Variants in TBC1D10A observed in about 807,000 individuals in gnomAD.
TBC1D10A encodes the protein EBP50-PDX interactor of 64 kDa.
In TBC1D10A, 24 loss-of-function variants were observed where a neutral mutation model predicts 52.9. The ratio of observed to expected loss-of-function variants is 0.45; its 90% CI spans 0.33 to 0.64. TBC1D10A has a LOEUF of 0.64. Ranked by LOEUF, TBC1D10A falls within the 30% of genes least tolerant of loss-of-function variation. The pLI is 0.02. For synonymous variants in TBC1D10A, 278 were observed against 282.9 expected (o/e 0.98, Z 0.17); for missense variants, 602 against 687.9 (o/e 0.88, Z 1.40).
intron 8 of TBC1D10A, 71 bp from the exon 9 acceptor site, chr22:30,292,922 G>GC: frequency 6.5e-7 from 1 of 1,547,272 alleles, no homozygotes; most frequent in Non-Finnish European, 8.8e-7. Flanking sequence ...CCCAGCCTGG[G>GC]CCCCCAGTCT....
chr22:30,311,176 G>A (rs1431979324), intron 1 of TBC1D10A, among the ~76,000 whole-genome samples: 1 of 152,206 alleles, frequency 6.6e-6, no homozygotes, highest in African/African-American at 2.4e-5. Context: ...GGTATAAATG[G>A]CTTTTAGACC....
intron 8 of TBC1D10A, 48 bp downstream of exon 8, chr22:30,293,603 C>CA (rs1020724292): frequency 6.3e-7 from 1 of 1,575,622 alleles, no homozygotes; most frequent in African/African-American, 1.4e-5. Flanking sequence ...AAAGGACCCC[C>CA]ACCTGTCTTC....
In TBC1D10A at chr22:30,326,728, C is replaced by A; in HGVS notation, c.154G>T (p.Glu52Ter). ...AAGCCGAACTTGTCGATGCGGCGCT[C>A]GGCGAAGCCGTTGGCCTCCGAGTCA... ...GSDSEANGFA[E>*]RRIDKFGFIV... Residue 52 changes from glutamate (E) to a stop codon, truncating the protein, a stop_gained, in exon 1 of 9, where the codon GAG becomes TAG. Transcript: ENST00000215790. LOFTEE classifies it high-confidence loss of function. 1 of 1,541,784 alleles carries A rather than the reference C, an allele frequency of 6.5e-7. No individual in the cohort carries two copies.
chr22:30,314,078 T>C (rs73404598), intron 1 of TBC1D10A, among the ~76,000 whole-genome samples: 2 of 152,306 alleles, frequency 1.3e-5, no homozygotes, highest in African/African-American at 4.8e-5. Context: ...AATCCTCTAA[T>C]TATCAACTCC....
intron 1 of TBC1D10A, among the ~76,000 whole-genome samples, chr22:30,319,584 G>C (rs1432150755): frequency 6.6e-6 from 1 of 152,232 alleles, no homozygotes; most frequent in Non-Finnish European, 1.5e-5. Context: ...GGCACAGAAT[G>C]GAGTAGGGTA....
In TBC1D10A at chr22:30,304,523, C is replaced by G. The variant is rs1930270636; in HGVS notation, c.309+8G>C. 1 of 1,613,990 alleles carries G rather than the reference C, an allele frequency of 6.2e-7. No individual in the cohort carries two copies. Among genetic ancestry groups the G allele is most frequent in the African/African-American group, 1.3e-5 (1 of 74,934 alleles). ...TCCCAGCCCAATACCTGAGGCCAGGCCCCTCACCTTTTTGTGCTTCTTGGC... is the reference window on the plus strand; with the variant it reads ...TCCCAGCCCAATACCTGAGGCCAGGGCCCTCACCTTTTTGTGCTTCTTGGC... On this transcript the variant is annotated splice_region_variant and intron_variant, in intron 2 of 8. Transcript: ENST00000215790.
intron 1 of TBC1D10A, among the ~76,000 whole-genome samples, chr22:30,325,715 C>A (rs920268193): frequency 2.6e-5 from 4 of 152,178 alleles, no homozygotes; most frequent in Non-Finnish European, 5.9e-5. Flanking sequence ...CCCCACATTT[C>A]TCTGTCTGCT....
intron 1 of TBC1D10A, 73 bp from the exon 2 acceptor site, chr22:30,304,703 A>G: frequency 6.4e-7 from 1 of 1,568,998 alleles, no homozygotes. Context: ...CCCAGCCGCC[A>G]GCCTGGTCAG....
chr22:30,313,341 A>ATGTGTGTG (rs6147586), intron 1 of TBC1D10A, among the ~76,000 whole-genome samples: 3,250 of 138,012 alleles, frequency 0.024, 56 homozygotes, highest in African/African-American at 0.027. Context: ...TGCTCAATAA[A>ATGTGTGTG]TGTGTGTGTG....
intron 1 of TBC1D10A, among the ~76,000 whole-genome samples, chr22:30,319,524 T>C (rs1316199295): frequency 6.6e-6 from 1 of 152,172 alleles, no homozygotes; most frequent in Non-Finnish European, 1.5e-5. Context: ...TTTCTCTACC[T>C]GAAGAGGTGT....
chr22:30,316,461 G>GT (rs71328836), intron 1 of TBC1D10A, among the ~76,000 whole-genome samples: 34,702 of 142,906 alleles, frequency 0.24, 4,125 homozygotes, highest in Middle Eastern at 0.38. Flanking sequence ...TTTTGTTTTT[G>GT]TTTTTTTTTT....
intron 1 of TBC1D10A, among the ~76,000 whole-genome samples, chr22:30,325,242 G>A (rs1418774521): frequency 1.3e-5 from 2 of 152,234 alleles, no homozygotes; most frequent in Non-Finnish European, 2.9e-5. Context: ...CAGATCCAGT[G>A]GGTGAGAGGG....
chr22:30,314,764 T>C (rs1930498092), intron 1 of TBC1D10A, among the ~76,000 whole-genome samples: 1 of 151,246 alleles, frequency 6.6e-6, no homozygotes. Context: ...TGAGCCATAA[T>C]TGTGCCACTG....
chr22:30,294,235 G>T, intron 6 of TBC1D10A, 125 bp from the exon 7 acceptor site: 1 of 1,053,876 alleles, frequency 9.5e-7, no homozygotes, highest in Non-Finnish European at 1.4e-6. Flanking sequence ...CAGGGTGTCT[G>T]CCTCTGCCAG....
At chr22:30,306,311 A>G (rs1930308644) in intron 1 of TBC1D10A, among the ~76,000 whole-genome samples, 4 of 152,264 alleles carry the variant, frequency 2.6e-5, no homozygotes, top group African/African-American at 9.6e-5. Flanking sequence ...ACCAGTTTCC[A>G]AAGAACTCAC....
intron 1 of TBC1D10A, among the ~76,000 whole-genome samples, chr22:30,321,386 C>A (rs1187364542): frequency 6.6e-6 from 1 of 152,200 alleles, no homozygotes; most frequent in Admixed American, 6.5e-5. Flanking sequence ...AAAGTAGATG[C>A]TCTGAGTTTA....
At chr22:30,318,521 G>C (rs1259433417) in intron 1 of TBC1D10A, 1 of 438,642 alleles carries the variant, frequency 2.3e-6, no homozygotes, top group African/African-American at 2.0e-5. Flanking sequence ...CCAGAGCTGT[G>C]ACAACGCAGA....
intron 1 of TBC1D10A, among the ~76,000 whole-genome samples, chr22:30,316,288 C>T (rs375814470): frequency 3.9e-5 from 6 of 152,090 alleles, no homozygotes; most frequent in Admixed American, 2.0e-4. Context: ...GAGTTTAAGA[C>T]CAAGCTGGGC....
chr22:30,315,348 G>A (rs1460839694), intron 1 of TBC1D10A, among the ~76,000 whole-genome samples: 2 of 152,324 alleles, frequency 1.3e-5, no homozygotes, highest in East Asian at 3.9e-4. Context: ...GACAGACACT[G>A]TGCTGGGTGC....
Sources: gnomAD v4.1 joint callset for allele counts (sites outside exome capture counted in the v4.1 genomes callset) on GRCh38, gnomAD v4.1.1 for gene constraint, MANE v1.5 for transcripts, NCBI Gene and HGNC (gene_info 2026-07-23, HGNC 2026-07-21) for gene names.